SCRN1: variants seen among roughly 807,000 people sequenced by gnomAD.
The protein encoded by SCRN1 is secernin 1, also known as secernin-1.
Under a neutral mutation model 43.3 loss-of-function variants are expected in SCRN1, and 19 were observed. That is an observed-to-expected ratio of 0.44 (90% CI 0.31 to 0.64). The LOEUF is 0.64. Among genes scored for constraint, SCRN1 ranks in the 30% least tolerant of loss-of-function variants. The pLI is 0.09. For synonymous variants in SCRN1, 183 were observed against 188.9 expected (o/e 0.97, Z 0.26); for missense variants, 447 against 524.1 (o/e 0.85, Z 1.44).
In SCRN1 at chr7:29,926,148, A is replaced by G. The variant is rs898961103; in HGVS notation, c.1086+304T>C. Reference sequence around the variant, plus strand: ...TACACAATATATAACAGTTATCCCTAACGTACTGCATATTCCTATTATTCC... The same window carrying G: ...TACACAATATATAACAGTTATCCCTGACGTACTGCATATTCCTATTATTCC... On this transcript the variant is annotated intron_variant, in intron 7 of 7. Transcript: ENST00000242059. Among the ~76,000 whole-genome samples the G allele has an allele frequency of 1.3e-5, 2 of 152,258 alleles. 1 individual carries two copies. Among genetic ancestry groups the G allele is most frequent in the Non-Finnish European group, 2.9e-5 (2 of 68,042 alleles).
Position 29,965,357 on chromosome 7 carries a change from A to G in SCRN1, c.159+3552T>C, listed in dbSNP as rs908818054. ...CCAGGAGAAAGAGACCCAGGGACAA[A>G]TGAGAAGATTGTAGCAGAAAAGAGA... is the stretch of plus-strand genomic sequence containing the variant. On this transcript the variant is annotated intron_variant, in intron 2 of 7. Coordinates refer to ENST00000242059, the MANE Select transcript of SCRN1 (RefSeq NM_014766.5). This position sits in a 1 kb window ranked among gnomAD's most constrained non-coding sequence, Gnocchi z 4.2. 6.6e-6 allele frequency among the ~76,000 whole-genome samples: 1 copy of G among 152,130 alleles called. No homozygotes were observed. The highest frequency in any genetic ancestry group is 1.5e-5 in the Non-Finnish European group (1 of 68,022).
At chr7:29,957,906 C>T (rs1788187370) in intron 2 of SCRN1, among the ~76,000 whole-genome samples, 1 of 152,168 alleles carries the variant, frequency 6.6e-6, no homozygotes, top group South Asian at 2.1e-4. Context: ...CACAGAACTA[C>T]AAGGGCTTAA....
At position 29,943,966 on chromosome 7, in the gene SCRN1, C is replaced by G; in HGVS notation, c.544+11G>C. The stretch of plus-strand genomic sequence containing the variant: ...TGTCCTCAGAACTCTCCATCATCCA[C>G]ACCCACTCACCTGTGACTTTCTCGG... On this transcript the variant is annotated intron_variant, in intron 4 of 7. Transcript: ENST00000242059. 1 of 1,613,874 alleles carries G rather than the reference C, an allele frequency of 6.2e-7. No individual in the cohort carries two copies.
intron 2 of SCRN1, among the ~76,000 whole-genome samples, chr7:29,966,396 C>A (rs1195341404): frequency 6.6e-6 from 1 of 152,114 alleles, no homozygotes; most frequent in African/African-American, 2.4e-5. Context: ...TTTGGTGCAG[C>A]CACCTTTGAG....
intron 3 of SCRN1, among the ~76,000 whole-genome samples, chr7:29,947,617 G>A (rs970494049): frequency 5.3e-5 from 8 of 152,214 alleles, no homozygotes; most frequent in African/African-American, 1.9e-4. Context: ...CCCTTCTGAG[G>A]TCAGGACCTT....
chr7:29,958,631 G>A (rs564281017), intron 2 of SCRN1, among the ~76,000 whole-genome samples: 14 of 152,344 alleles, frequency 9.2e-5, no homozygotes, highest in African/African-American at 3.4e-4. Flanking sequence ...AAAAAGGCAA[G>A]TGTTCACCAC....
intron 1 of SCRN1, among the ~76,000 whole-genome samples, chr7:29,971,171 C>T (rs1316801076): frequency 6.6e-6 from 1 of 152,218 alleles, no homozygotes; most frequent in African/African-American, 2.4e-5. Context: ...CAAAACTCAG[C>T]TCCACCACCT....
At chr7:29,955,641 C>T (rs1788113941) in intron 2 of SCRN1, among the ~76,000 whole-genome samples, 1 of 152,184 alleles carries the variant, frequency 6.6e-6, no homozygotes, top group Non-Finnish European at 1.5e-5. Flanking sequence ...ACATCCTAAG[C>T]CTGCCCATTT....
At chr7:29,938,689 C>T (rs924751097) in intron 5 of SCRN1, among the ~76,000 whole-genome samples, 7 of 152,242 alleles carry the variant, frequency 4.6e-5, no homozygotes, top group African/African-American at 9.6e-5. Context: ...CCCTTTATTT[C>T]GGCCCATCCC....
chr7:29,954,572 T>C (rs1374087544), intron 3 of SCRN1, among the ~76,000 whole-genome samples: 1 of 152,232 alleles, frequency 6.6e-6, no homozygotes, highest in Non-Finnish European at 1.5e-5. Flanking sequence ...TTGCCTATTC[T>C]GTATATTTCA....
intron 6 of SCRN1, among the ~76,000 whole-genome samples, chr7:29,935,847 C>G (rs1279795438): frequency 6.6e-6 from 1 of 152,174 alleles, no homozygotes; most frequent in Non-Finnish European, 1.5e-5. Flanking sequence ...ATCCTCCCAA[C>G]AAGCATGTAA....
intron 1 of SCRN1, among the ~76,000 whole-genome samples, chr7:29,979,610 T>A (rs1049825049): frequency 6.6e-6 from 1 of 152,300 alleles, no homozygotes; most frequent in East Asian, 1.9e-4. Flanking sequence ...AACTCCTCCA[T>A]ACCCAGTGAT....
upstream of SCRN1, chr7:29,990,010 G>A: frequency 4.2e-6 from 6 of 1,445,052 alleles, no homozygotes; most frequent in South Asian, 1.4e-5. Context: ...CGCAGAAAGT[G>A]GCCCCCTCTT....
chr7:29,959,468 T>C (rs955095881), intron 2 of SCRN1, among the ~76,000 whole-genome samples: 17 of 152,202 alleles, frequency 1.1e-4, no homozygotes, highest in African/African-American at 2.4e-5. Flanking sequence ...GGTGTCTTAC[T>C]ATGTTGCCTA....
At chr7:29,980,855 G>A (rs1019405196) in intron 1 of SCRN1, among the ~76,000 whole-genome samples, 2 of 151,946 alleles carry the variant, frequency 1.3e-5, no homozygotes, top group Admixed American at 1.3e-4. Context: ...CTATATATGC[G>A]TGCATATACA....
intron 7 of SCRN1, 44 bp downstream of exon 7, chr7:29,926,408 C>T (rs752507847): frequency 2.4e-5 from 38 of 1,595,844 alleles, no homozygotes; most frequent in East Asian, 1.3e-4. Flanking sequence ...TGACCTCGCC[C>T]GCCCGCCTCC....
At position 29,965,635 on chromosome 7, in the gene SCRN1, G is replaced by A. The variant is rs1425276281; in HGVS notation, c.159+3274C>T. Among the ~76,000 whole-genome samples the A allele has an allele frequency of 6.6e-6, 1 of 152,174 alleles. No individual in the cohort carries two copies. The highest frequency in any genetic ancestry group is 1.5e-5 in the Non-Finnish European group (1 of 68,028). On this transcript the variant is annotated intron_variant, in intron 2 of 7. Transcript: ENST00000242059. The surrounding 1 kb of genome is among the most constrained non-coding windows in gnomAD (Gnocchi z 4.2). Reference sequence around the variant, plus strand: ...TTTCACCTGCAGAATATGCAAGTGGGAACGCAAAGAGGCAGCTCAAAACAC... The same window carrying A: ...TTTCACCTGCAGAATATGCAAGTGGAAACGCAAAGAGGCAGCTCAAAACAC...
At chr7:29,963,938 C>CATA (rs1788408864) in intron 2 of SCRN1, among the ~76,000 whole-genome samples, 2 of 152,160 alleles carry the variant, frequency 1.3e-5, no homozygotes, top group South Asian at 2.1e-4. Flanking sequence ...TAGTAGTATA[C>CATA]ATAATGTGCT....
intron 2 of SCRN1, 112 bp downstream of exon 2, chr7:29,968,797 A>G (rs1301949550): frequency 9.1e-6 from 12 of 1,318,346 alleles, no homozygotes; most frequent in Non-Finnish European, 1.3e-5. Flanking sequence ...AGCAGAACTG[A>G]CATGATAGCT....
Sources: gnomAD v4.1 joint callset for allele counts (sites outside exome capture counted in the v4.1 genomes callset) on GRCh38, gnomAD v4.1.1 for gene constraint, Gnocchi (gnomAD v3.1) non-coding constraint, MANE v1.5 for transcripts, NCBI Gene and HGNC (gene_info 2026-07-23, HGNC 2026-07-21) for gene names.